The following IL9R variants were observed in gnomAD, a reference collection of about 807,000 sequenced individuals.
IL9R encodes interleukin 9 receptor.
Under a neutral mutation model 56.3 loss-of-function variants are expected in IL9R, and 54 were observed. The ratio of observed to expected loss-of-function variants is 0.96; its 90% CI spans 0.77 to 1.20. IL9R has a LOEUF of 1.20. Among genes scored for constraint, IL9R ranks in the 50% most tolerant of loss-of-function variants. The pLI, the probability that IL9R is intolerant of heterozygous loss-of-function variation, is 0.00. For missense variants in IL9R, 545 were observed against 629.8 expected (o/e 0.87, Z 1.44); for synonymous variants, 212 against 250.2 (o/e 0.85, Z 1.44).
rs566708471 is a variant in IL9R, at chrX:156,000,134, T to TAAAAA, written c.28+2355_28+2359dup. On this transcript the variant is annotated intron_variant, in intron 1 of 8. Coordinates refer to ENST00000244174, the MANE Select transcript of IL9R (RefSeq NM_002186.3). ...CTGAGCGACAGAGCGAGACTCCGTC[T>TAAAAA]AAAAAAAAAAAATATATATATATAT... Among the ~76,000 whole-genome samples, 727 of 141,306 alleles carry TAAAAA rather than the reference T, an allele frequency of 5.1e-3. 17 individuals carry two copies. The South Asian group carries it at 0.055, about 11-fold the overall frequency. The allele number at this position is 141,306 out of a possible 152,430, so 92.7% of individuals were successfully genotyped here.
chrX:156,000,348 G>C (rs2067435302), intron 1 of IL9R, among the ~76,000 whole-genome samples: 1 of 152,120 alleles, frequency 6.6e-6, no homozygotes, highest in African/African-American at 2.4e-5. Flanking sequence ...GCAGCCCACA[G>C]CTTCACAGTG....
At chrX:156,007,167 TGGGTG>T (rs1172748433) in intron 7 of IL9R, among the ~76,000 whole-genome samples, 1 of 139,410 alleles carries the variant, frequency 7.2e-6, no homozygotes, top group Non-Finnish European at 1.5e-5. Context: ...AGGGAGACAC[TGGGTG>T]GGGTGGGAGC....
chrX:156,000,468 A>G (rs2067443516), intron 1 of IL9R, among the ~76,000 whole-genome samples: 1 of 152,186 alleles, frequency 6.6e-6, no homozygotes, highest in Admixed American at 6.5e-5. Flanking sequence ...CAAAGTGATC[A>G]TGGGCTGAAG....
intron 1 of IL9R, chrX:156,001,490 C>T (rs750868989): frequency 1.2e-5 from 19 of 1,608,252 alleles, no homozygotes; most frequent in Admixed American, 1.0e-4. Context: ...CCAGGCTGCA[C>T]GCTCCATTCT....
At chrX:156,003,153 C>T (rs2045761421) in intron 2 of IL9R, 134 bp downstream of exon 2, 2 of 1,051,612 alleles carry the variant, frequency 1.9e-6, no homozygotes, top group South Asian at 1.4e-5. Context: ...CTCTAGGGGT[C>T]AGCCTGGACC....
chrX:156,001,475 T>C, intron 1 of IL9R: 1 of 1,609,388 alleles, frequency 6.2e-7, no homozygotes, highest in Non-Finnish European at 8.5e-7. Context: ...CTGTGGCTGG[T>C]GGTTCCAGGC....
At chrX:156,007,843 T>C (rs1401216856) in intron 8 of IL9R, 1 of 541,798 alleles carries the variant, frequency 1.8e-6, no homozygotes, top group East Asian at 5.3e-5. Context: ...AGTTCCATTG[T>C]TGATTGAAAA....
In IL9R at chrX:156,007,507, C is replaced by A; in HGVS notation, c.888-16C>A. On this transcript the variant is annotated splice_polypyrimidine_tract_variant and intron_variant, in intron 7 of 8. Transcript: ENST00000244174. ...TGGGTCGCCATAGGCCTCTGACTGG[C>A]CTCTCTTGGCCTCAGGGTGAAGAGA... 1 of 1,049,174 alleles carries A rather than the reference C, an allele frequency of 9.5e-7. No homozygotes were observed. The highest frequency in any genetic ancestry group is 1.4e-6 in the Non-Finnish European group (1 of 695,220). 65.0% of individuals were successfully genotyped at this position (1,049,174 alleles called of 1,614,324 possible).
chrX:155,997,917 T>C (rs2067250009), intron 1 of IL9R, 130 bp downstream of exon 1: 1 of 851,960 alleles, frequency 1.2e-6, no homozygotes, highest in African/African-American at 1.7e-5. Flanking sequence ...ACCCTAGCTT[T>C]ACCTCCTCTG....
At chrX:156,004,207 G>T in intron 4 of IL9R, 1 of 606,984 alleles carries the variant, frequency 1.6e-6, no homozygotes, top group Non-Finnish European at 2.9e-6. Flanking sequence ...GCAAGATTTA[G>T]AAACCACCTA....
intron 8 of IL9R, among the ~76,000 whole-genome samples, chrX:156,008,632 G>T (rs190007065): frequency 1.3e-4 from 20 of 152,092 alleles, no homozygotes; most frequent in Non-Finnish European, 2.8e-4. Flanking sequence ...CACCTGCCAC[G>T]GGTTATTTAG....
rs755299439 is a variant in IL9R, at chrX:156,006,095, C to T, written c.794C>T (p.Pro265Leu). 6.2e-6 allele frequency: 10 copies of T among 1,600,764 alleles called. No homozygotes were observed. In the South Asian group the frequency reaches 7.7e-5, roughly 12 times the overall value. The change falls in exon 7 of 9, where the codon CCA (proline) becomes CTA (leucine). Residue 265 changes from proline to leucine, a missense_variant. Pro to Leu is a moderately conservative substitution (Grantham distance 98). Transcript: ENST00000244174. ...TTCCTGTCCACAGGCCCTCTGATCCCACCCTGGGGGTGGCCAGGCAACACC... is the reference window on the plus strand; with the variant it reads ...TTCCTGTCCACAGGCCCTCTGATCCTACCCTGGGGGTGGCCAGGCAACACC... ...QAPQRQGPLI[P>L]PWGWPGNTLV...
chrX:156,000,749 C>T (rs2067464336), intron 1 of IL9R, among the ~76,000 whole-genome samples: 1 of 152,228 alleles, frequency 6.6e-6, no homozygotes, highest in African/African-American at 2.4e-5. Context: ...GGGAAGGCAG[C>T]TCTGCCTGCA....
At chrX:156,009,330 G>C (rs1168323015) in intron 8 of IL9R, among the ~76,000 whole-genome samples, 1 of 141,080 alleles carries the variant, frequency 7.1e-6, no homozygotes, top group Non-Finnish European at 1.5e-5. Context: ...TTATGTCTGT[G>C]TGTGTTTGTG....
Position 156,009,755 on chromosome X carries a change from T to C in IL9R, c.973-61T>C. 2.3e-6 allele frequency: 2 copies of C among 868,558 alleles called. 1 individual carries two copies. The highest frequency in any genetic ancestry group is 3.1e-6 in the Non-Finnish European group (2 of 638,136). The allele number at this position is 868,558 out of a possible 1,614,324, so 53.8% of individuals were successfully genotyped here. A position where few individuals can be genotyped will look rare whatever the true frequency, so the allele number is the denominator to read the frequency against. ...GGCTTGCCAGAAAGGAGGCAGCTGC[T>C]CCCAGGATGAGTTCTGAACATGCTA... On this transcript the variant is annotated intron_variant, in intron 8 of 8. Transcript: ENST00000244174.
In IL9R at chrX:156,001,477, GT is replaced by G. The variant is rs3093486; in HGVS notation, c.29-1427del. The G allele has an allele frequency of 8.4e-3, 13,590 of 1,610,528 alleles. 1,072 individuals carry two copies. The African/African-American group carries it at 0.16, about 19-fold the overall frequency. ...ACGGTGTTTCATGCTGTGGCTGGTG[GT>G]TCCAGGCTGCACGCTCCATTCTAGG... On this transcript the variant is annotated intron_variant, in intron 1 of 8. Coordinates refer to ENST00000244174, the MANE Select transcript of IL9R (RefSeq NM_002186.3).
At chrX:156,008,929 G>T (rs1382491563) in intron 8 of IL9R, among the ~76,000 whole-genome samples, 54 of 139,144 alleles carry the variant, frequency 3.9e-4, no homozygotes, top group African/African-American at 1.6e-3. Context: ...GTCTGTGTGT[G>T]TGTTTGTGTG....
intron 8 of IL9R, among the ~76,000 whole-genome samples, chrX:156,009,236 C>A (rs1569479002): frequency 7.5e-6 from 1 of 133,866 alleles, no homozygotes; most frequent in Non-Finnish European, 1.6e-5. Context: ...TGTGTGTGTT[C>A]GTGTGGTGTG....
intron 8 of IL9R, among the ~76,000 whole-genome samples, chrX:156,008,971 GTGTC>G (rs1319822604): frequency 2.6e-5 from 4 of 151,660 alleles, no homozygotes; most frequent in South Asian, 2.1e-4. Context: ...TTATGTGTGT[GTGTC>G]TGTGTGTGTT....
Sources: allele counts gnomAD v4.1 joint callset (sites outside exome capture counted in the v4.1 genomes callset), GRCh38; gene constraint gnomAD v4.1.1; transcripts MANE v1.5; gene names NCBI Gene and HGNC (gene_info 2026-07-23, HGNC 2026-07-21).